Variants in THNSL1 observed in about 807,000 individuals in gnomAD.
THNSL1 encodes the protein threonine synthase-like 1.
Under a neutral mutation model 50.4 loss-of-function variants are expected in THNSL1, and 48 were observed. The ratio of observed to expected loss-of-function variants is 0.95; its 90% CI spans 0.76 to 1.21. THNSL1 has a LOEUF of 1.21. Among genes scored for constraint, THNSL1 ranks in the 50% most tolerant of loss-of-function variants. THNSL1 has a pLI of 0.00. For synonymous variants in THNSL1, 309 were observed against 306.1 expected (o/e 1.01, Z -0.10); for missense variants, 896 against 871.7 (o/e 1.03, Z -0.35).
chr10:25,003,172 TAATTA>T, the THNSL1 span, among the ~76,000 whole-genome samples: 1 of 149,916 alleles, frequency 6.7e-6, no homozygotes, highest in East Asian at 2.0e-4. Context: ...ATTAATTAAT[TAATTA>T]ATTAATTTAT....
Position 25,024,726 on chromosome 10 carries a change from A to C in THNSL1, c.1503A>C (p.Pro501=), listed in dbSNP as rs181285836. 5.6e-6 allele frequency: 9 copies of C among 1,614,214 alleles called. No homozygotes were observed. The South Asian group carries it at 9.9e-5, about 18-fold the overall frequency. The change falls in exon 3 of 3, where the codon CCA becomes CCC. Residue 501 remains proline, a synonymous_variant. Coordinates refer to ENST00000376356, the MANE Select transcript of THNSL1 (RefSeq NM_024838.5). ...AAGGATTTATTTCTTTTGGAAGCCC[A>C]GTCGATGTCTGTATTCCCACAGGAA... ...VSQGFISFGS[P]VDVCIPTGNF... is the part of the protein sequence containing the mutation.
chr10:25,019,304 T>G (rs1042204950), intron 1 of THNSL1, among the ~76,000 whole-genome samples: 6 of 152,102 alleles, frequency 3.9e-5, no homozygotes, highest in Admixed American at 3.3e-4. Flanking sequence ...CGAAACCCCC[T>G]CTCTACTAAA....
chr10:25,026,483 A>C lies in THNSL1; in HGVS notation c.*1028A>C. 1 of 167,224 alleles carries C rather than the reference A, an allele frequency of 6.0e-6. No individual in the cohort carries two copies. The allele number at this position is 167,224 out of a possible 1,614,324, so 10.4% of individuals were successfully genotyped here. ...AGTTTCCCTATATTATTTGGAGTCA[A>C]TTCTTACGTAATTTGTTGTTTATTT... On this transcript the variant is annotated 3_prime_UTR_variant, in exon 3 of 3. Transcript: ENST00000376356.
At chr10:24,993,636 A>G in the THNSL1 span, among the ~76,000 whole-genome samples, 1 of 152,238 alleles carries the variant, frequency 6.6e-6, no homozygotes, top group Admixed American at 6.5e-5. Flanking sequence ...AGATCTTTAA[A>G]ACTTAACTCT....
chr10:24,998,839 G>A, the THNSL1 span, among the ~76,000 whole-genome samples: 1 of 152,130 alleles, frequency 6.6e-6, no homozygotes, highest in Non-Finnish European at 1.5e-5. Context: ...TACAGCAAGA[G>A]CACAGCATTA....
Position 25,024,738 on chromosome 10 carries a change from T to G in THNSL1, c.1515T>G (p.Cys505Trp). The stretch of plus-strand genomic sequence containing the variant: ...CTTTTGGAAGCCCAGTCGATGTCTG[T>G]ATTCCCACAGGAAACTTTGGTAACA... ...FISFGSPVDVCIPTGNFGNIL... is the reference protein window; with the variant it reads ...FISFGSPVDVWIPTGNFGNIL... Residue 505 changes from cysteine to tryptophan, a missense_variant, in exon 3 of 3, where the codon TGT becomes TGG. Transcript: ENST00000376356. 1 of 1,614,192 alleles carries G rather than the reference T, an allele frequency of 6.2e-7. No individual in the cohort carries two copies. The highest frequency in any genetic ancestry group is 1.6e-4 in the Middle Eastern group (1 of 6,062).
upstream of THNSL1, chr10:25,016,074 G>GT (rs1850563188): frequency 1.4e-6 from 2 of 1,395,312 alleles, no homozygotes; most frequent in Non-Finnish European, 1.9e-6. Flanking sequence ...CCTTCACATC[G>GT]TCCCCCTTTA....
At chr10:24,984,882 C>T in the THNSL1 span, 2 of 1,612,550 alleles carry the variant, frequency 1.2e-6, no homozygotes, top group Non-Finnish European at 1.7e-6. Context: ...CTTTATGCAC[C>T]TCTTCCCAGT....
At chr10:24,955,447 C>T in the THNSL1 span, among the ~76,000 whole-genome samples, 2 of 152,220 alleles carry the variant, frequency 1.3e-5, no homozygotes, top group African/African-American at 2.4e-5. Context: ...GTGTAATATA[C>T]ATCAATTTTC....
the THNSL1 span, among the ~76,000 whole-genome samples, chr10:25,007,485 A>T: frequency 3.5e-4 from 54 of 152,244 alleles, no homozygotes; most frequent in East Asian, 8.9e-3. Flanking sequence ...CCCAGGCTGG[A>T]GTGCAGAGGC....
At chr10:24,963,754 T>C in the THNSL1 span, among the ~76,000 whole-genome samples, 1 of 152,314 alleles carries the variant, frequency 6.6e-6, no homozygotes. Context: ...CGTTTGCTTT[T>C]TCCTAGAGAA....
At chr10:24,976,591 G>A in the THNSL1 span, among the ~76,000 whole-genome samples, 2 of 152,028 alleles carry the variant, frequency 1.3e-5, no homozygotes, top group African/African-American at 2.4e-5. Flanking sequence ...CTGGGTTCAA[G>A]TGATTCTCCT....
At chr10:24,995,698 T>C in the THNSL1 span, 1 of 1,614,076 alleles carries the variant, frequency 6.2e-7, no homozygotes. Flanking sequence ...ATCATGCTTG[T>C]CTCCAGTTCT....
At chr10:25,003,498 C>T in the THNSL1 span, among the ~76,000 whole-genome samples, 2,653 of 152,250 alleles carry the variant, frequency 0.017, 83 homozygotes, top group African/African-American at 0.061. Flanking sequence ...TGAGCCACTG[C>T]GCCAAGCCTG....
chr10:24,999,170 T>G, the THNSL1 span, among the ~76,000 whole-genome samples: 4 of 152,322 alleles, frequency 2.6e-5, no homozygotes, highest in Admixed American at 2.6e-4. Context: ...GCATGTGGGC[T>G]TCATTGGATA....
At position 25,024,873 on chromosome 10, in the gene THNSL1, T is replaced by G; in HGVS notation, c.1650T>G (p.Asp550Glu). The stretch of plus-strand genomic sequence containing the variant: ...ATTTTATAAAAACAGGACATTATGA[T>G]CTAAGGGAAAGAAAACTAGCACAAA... ...LTDFIKTGHY[D>E]LRERKLAQTF... is the part of the protein sequence containing the mutation. Residue 550 changes from aspartate to glutamate, a missense_variant, in exon 3 of 3, where the codon GAT becomes GAG. Physicochemically the swap from Asp to Glu is conservative, Grantham distance 45. Coordinates refer to ENST00000376356, the MANE Select transcript of THNSL1 (RefSeq NM_024838.5). 1.9e-6 allele frequency: 3 copies of G among 1,613,984 alleles called. No homozygotes were observed. The highest frequency in any genetic ancestry group is 2.5e-6 in the Non-Finnish European group (3 of 1,180,024).
upstream of THNSL1, among the ~76,000 whole-genome samples, chr10:25,013,554 G>C (rs574428019): frequency 5.3e-4 from 81 of 152,204 alleles, no homozygotes; most frequent in Non-Finnish European, 8.8e-4. Flanking sequence ...AGGAGATAAT[G>C]GTTTCATGGA....
chr10:24,959,679 CTT>C, the THNSL1 span, among the ~76,000 whole-genome samples: 1 of 145,810 alleles, frequency 6.9e-6, no homozygotes, highest in African/African-American at 2.5e-5. Context: ...GTTTCCCAAA[CTT>C]TTTTTTTTTG....
chr10:24,984,335 A>G, the THNSL1 span: 1 of 1,594,100 alleles, frequency 6.3e-7, no homozygotes, highest in Non-Finnish European at 8.5e-7. Flanking sequence ...TCCAGTTCAA[A>G]ATACTTAACA....
Sources: allele counts gnomAD v4.1 joint callset (sites outside exome capture counted in the v4.1 genomes callset), GRCh38; gene constraint gnomAD v4.1.1; transcripts MANE v1.5; gene names NCBI Gene and HGNC (gene_info 2026-07-23, HGNC 2026-07-21).